Variants in ACTR3C observed in about 807,000 individuals in gnomAD.
ACTR3C encodes the protein actin-related protein 3C.
ACTR3C carries 18 observed loss-of-function variants against 26.3 expected under a neutral mutation model. The ratio of observed to expected loss-of-function variants is 0.68; its 90% CI spans 0.47 to 1.01. The LOEUF is 1.01. Among genes scored for constraint, ACTR3C ranks in the 50% least tolerant of loss-of-function variants. ACTR3C has a pLI of 0.00. For synonymous variants in ACTR3C, 55 were observed against 94.5 expected (o/e 0.58, Z 2.42); for missense variants, 184 against 250.7 (o/e 0.73, Z 1.80).
the ACTR3C span, among the ~76,000 whole-genome samples, chr7:149,924,898 C>T: frequency 6.6e-6 from 1 of 152,108 alleles, no homozygotes; most frequent in Admixed American, 6.6e-5. Context: ...AAAGTGCTTG[C>T]AATTACAGGT....
the ACTR3C span, among the ~76,000 whole-genome samples, chr7:149,889,617 G>A: frequency 6.6e-6 from 1 of 152,172 alleles, no homozygotes; most frequent in Admixed American, 6.5e-5. Context: ...AGTTATGTCT[G>A]CCAGCACAAA....
At chr7:150,137,236 G>A in the ACTR3C span, among the ~76,000 whole-genome samples, 6 of 152,292 alleles carry the variant, frequency 3.9e-5, no homozygotes, top group Admixed American at 6.5e-5. Flanking sequence ...CTCTTGAAGC[G>A]GGATGCTTTT....
At chr7:150,095,693 G>T in the ACTR3C span, among the ~76,000 whole-genome samples, 1 of 149,282 alleles carries the variant, frequency 6.7e-6, no homozygotes, top group African/African-American at 2.5e-5. Flanking sequence ...AAAGACAGAA[G>T]GCAATGGCAT....
the ACTR3C span, among the ~76,000 whole-genome samples, chr7:149,938,041 G>A: frequency 0.35 from 52,935 of 151,750 alleles, 9,196 homozygotes; most frequent in South Asian, 0.39. Context: ...CTCCCGACCC[G>A]TGTTCTAGAG....
chr7:150,008,128 G>A, the ACTR3C span, among the ~76,000 whole-genome samples: 1 of 152,228 alleles, frequency 6.6e-6, no homozygotes, highest in Non-Finnish European at 1.5e-5. Flanking sequence ...TGTTGGACTT[G>A]CATTCAGCTA....
At chr7:149,907,612 C>T in the ACTR3C span, among the ~76,000 whole-genome samples, 1 of 151,908 alleles carries the variant, frequency 6.6e-6, no homozygotes, top group African/African-American at 2.4e-5. Context: ...GTTCTGATAG[C>T]TGCAGTCTGA....
chr7:149,917,590 A>AGAAAT, the ACTR3C span, among the ~76,000 whole-genome samples: 1 of 144,206 alleles, frequency 6.9e-6, no homozygotes, highest in Non-Finnish European at 1.5e-5. Context: ...CAATTAATTT[A>AGAAAT]TGTTTGAAAG....
the ACTR3C span, among the ~76,000 whole-genome samples, chr7:150,069,199 T>G: frequency 1.3e-5 from 2 of 152,250 alleles, no homozygotes; most frequent in Non-Finnish European, 2.9e-5. Flanking sequence ...CCAAAACTAC[T>G]GTGTATTTTG....
chr7:150,134,774 C>T, the ACTR3C span, among the ~76,000 whole-genome samples: 1 of 152,280 alleles, frequency 6.6e-6, no homozygotes, highest in Admixed American at 6.5e-5. Context: ...TCTACCTCTT[C>T]TTTAGAGTTC....
At chr7:150,067,359 A>G in the ACTR3C span, among the ~76,000 whole-genome samples, 1 of 152,332 alleles carries the variant, frequency 6.6e-6, no homozygotes, top group Non-Finnish European at 1.5e-5. Context: ...AGGAAAAGAG[A>G]GAGAAAGAAA....
intron 1 of ACTR3C, among the ~76,000 whole-genome samples, chr7:150,312,514 C>T (rs767184793): frequency 2.0e-5 from 3 of 152,180 alleles, no homozygotes; most frequent in East Asian, 1.9e-4. Context: ...AAAAACTCAT[C>T]GCCACCTACA....
intron 6 of ACTR3C, among the ~76,000 whole-genome samples, chr7:150,259,054 T>C (rs555299766): frequency 3.3e-5 from 5 of 151,636 alleles, no homozygotes; most frequent in Non-Finnish European, 7.4e-5. Context: ...TTCACTTACA[T>C]TTTGCCTCAG....
At chr7:150,122,113 A>G in the ACTR3C span, among the ~76,000 whole-genome samples, 1 of 152,218 alleles carries the variant, frequency 6.6e-6, no homozygotes, top group African/African-American at 2.4e-5. Flanking sequence ...TAAGACCTAA[A>G]ACCATAAAAA....
the ACTR3C span, among the ~76,000 whole-genome samples, chr7:150,153,012 A>G: frequency 6.6e-6 from 1 of 152,036 alleles, no homozygotes; most frequent in African/African-American, 2.4e-5. Context: ...TATTGCATCT[A>G]TTTGATTCTT....
At chr7:150,170,345 T>C in the ACTR3C span, among the ~76,000 whole-genome samples, 1 of 150,880 alleles carries the variant, frequency 6.6e-6, no homozygotes, top group Non-Finnish European at 1.5e-5. Flanking sequence ...AACTCTGCCA[T>C]GTTCTCTCTG....
At chr7:150,094,702 A>C in the ACTR3C span, among the ~76,000 whole-genome samples, 4 of 150,376 alleles carry the variant, frequency 2.7e-5, no homozygotes, top group Non-Finnish European at 5.9e-5. Flanking sequence ...GCCTGACCCC[A>C]TTGAGATAAG....
chr7:149,887,536 T>C, the ACTR3C span, among the ~76,000 whole-genome samples: 3 of 152,190 alleles, frequency 2.0e-5, no homozygotes, highest in Non-Finnish European at 1.5e-5. Flanking sequence ...GGACGTACCA[T>C]CAGGAGTTGG....
At chr7:150,094,958 C>G in the ACTR3C span, among the ~76,000 whole-genome samples, 1,382 of 141,810 alleles carry the variant, frequency 9.7e-3, 54 homozygotes, top group African/African-American at 0.037. Flanking sequence ...CCAGCACCCC[C>G]AGCCCCCACA....
intron 1 of ACTR3C, among the ~76,000 whole-genome samples, chr7:150,305,741 T>C (rs971195266): frequency 1.3e-5 from 2 of 152,096 alleles, no homozygotes; most frequent in Admixed American, 1.3e-4. Context: ...AGGTGCTCAG[T>C]CCACATAACC....
Sources: allele counts gnomAD v4.1 joint callset (sites outside exome capture counted in the v4.1 genomes callset), GRCh38; gene constraint gnomAD v4.1.1; transcripts MANE v1.5; gene names NCBI Gene and HGNC (gene_info 2026-07-23, HGNC 2026-07-21).